Variants in SH3BP2 observed in about 807,000 individuals in gnomAD.
SH3BP2 encodes the protein SH3 domain binding protein 2, also known as SH3 domain-binding protein 2.
Under a neutral mutation model 56.2 loss-of-function variants are expected in SH3BP2, and 38 were observed. The observed-to-expected ratio is 0.68, with a 90% CI of 0.52 to 0.89. The LOEUF (loss-of-function observed/expected upper bound fraction) is 0.89. SH3BP2 is among the 40% of genes least tolerant of loss of function. SH3BP2 has a pLI of 0.00. For synonymous variants in SH3BP2, 346 were observed against 316.7 expected (o/e 1.09, Z -0.98); for missense variants, 748 against 762.6 (o/e 0.98, Z 0.23).
Position 2,833,963 on chromosome 4 carries a change from G to T in SH3BP2, c.*129G>T. On this transcript the variant is annotated 3_prime_UTR_variant, in exon 13 of 13. Coordinates refer to ENST00000503393, the MANE Select transcript of SH3BP2 (RefSeq NM_001122681.2). ...TGTGCTTGCCTAGGGCCTCTGTGAT[G>T]GACATCTCGTAGGACCCAGCCAGTC... 4 of 1,151,164 alleles carry T rather than the reference G, an allele frequency of 3.5e-6. No homozygotes were observed. The highest frequency in any genetic ancestry group is 4.8e-6 in the Non-Finnish European group (4 of 830,314). The allele number at this position is 1,151,164 out of a possible 1,614,324, so 71.3% of individuals were successfully genotyped here.
At chr4:2,796,862 G>A (rs1473848058) in intron 1 of SH3BP2, among the ~76,000 whole-genome samples, 1 of 152,226 alleles carries the variant, frequency 6.6e-6, no homozygotes, top group Non-Finnish European at 1.5e-5. Flanking sequence ...GAGGCCGCGA[G>A]GCAGGGGCCG....
intron 2 of SH3BP2, 52 bp from the exon 3 acceptor site, chr4:2,822,883 C>A: frequency 1.4e-6 from 2 of 1,439,414 alleles, no homozygotes; most frequent in Non-Finnish European, 1.9e-6. Flanking sequence ...CACAGTGGGT[C>A]TTGGCAGCTG....
intron 1 of SH3BP2, among the ~76,000 whole-genome samples, chr4:2,799,789 C>T (rs1284956121): frequency 6.6e-6 from 1 of 152,268 alleles, no homozygotes; most frequent in Middle Eastern, 3.4e-3. Flanking sequence ...GGGCGCCTCA[C>T]GGATCCCCCC....
At chr4:2,815,617 T>C (rs1405469412) in intron 1 of SH3BP2, among the ~76,000 whole-genome samples, 1 of 152,230 alleles carries the variant, frequency 6.6e-6, no homozygotes, top group African/African-American at 2.4e-5. Context: ...GTCCTCACAG[T>C]GGCTCCTCCC....
intron 1 of SH3BP2, among the ~76,000 whole-genome samples, chr4:2,795,225 G>A (rs1307296491): frequency 6.6e-6 from 1 of 152,234 alleles, no homozygotes; most frequent in African/African-American, 2.4e-5. Flanking sequence ...CTGGCCTGGA[G>A]AGGCCTGGGT....
Position 2,835,805 on chromosome 4 carries a change from T to A in SH3BP2, c.*1971T>A, listed in dbSNP as rs1725211848. 1 of 152,174 alleles carries A rather than the reference T, an allele frequency of 6.6e-6. No individual in the cohort carries two copies. Among genetic ancestry groups the A allele is most frequent in the Admixed American group, 6.5e-5 (1 of 15,268 alleles). 9.4% of individuals were successfully genotyped at this position (152,174 alleles called of 1,614,324 possible). On this transcript the variant is annotated 3_prime_UTR_variant, in exon 13 of 13. Transcript: ENST00000503393. ...ACGCCTGGCTAATTTTTTGTATTTT[T>A]AGTAGAGACGGGATTTTATCATGTT...
intron 1 of SH3BP2, among the ~76,000 whole-genome samples, chr4:2,815,497 C>G (rs1283952009): frequency 6.6e-6 from 1 of 152,226 alleles, no homozygotes; most frequent in African/African-American, 2.4e-5. Context: ...CAGGCCTGCC[C>G]CTATCTGGCC....
chr4:2,795,669 G>A (rs1723037082), intron 1 of SH3BP2, among the ~76,000 whole-genome samples: 1 of 152,196 alleles, frequency 6.6e-6, no homozygotes, highest in Admixed American at 6.5e-5. Context: ...CCGTCAGGAG[G>A]AGGGATCTGA....
rs1451667752 is a variant in SH3BP2 at position 2,835,927 on chromosome 4, C to T, written c.*2093C>T. ...AGGCATGAGCCACTGTGCCTGGCCC[C>T]TTCCTGTAAAATTTTTAAATGGAGA... On this transcript the variant is annotated 3_prime_UTR_variant, in exon 13 of 13. Coordinates refer to ENST00000503393, the MANE Select transcript of SH3BP2 (RefSeq NM_001122681.2). 1 of 152,678 alleles carries T rather than the reference C, an allele frequency of 6.5e-6. No homozygotes were observed. The highest frequency in any genetic ancestry group is 1.9e-4 in the East Asian group (1 of 5,210). The allele number at this position is 152,678 out of a possible 1,614,324, so 9.5% of individuals were successfully genotyped here.
intron 1 of SH3BP2, among the ~76,000 whole-genome samples, chr4:2,800,559 C>CCG (rs34021594): frequency 6.7e-6 from 1 of 149,936 alleles, no homozygotes; most frequent in South Asian, 2.1e-4. Flanking sequence ...GCCCCCCCCC[C>CCG]GGGCTGATGA....
At chr4:2,832,176 C>T (rs968276760) in intron 10 of SH3BP2, 155 bp from the exon 11 acceptor site, 51 of 956,290 alleles carry the variant, frequency 5.3e-5, no homozygotes, top group Admixed American at 1.8e-5. Context: ...CTCTGCTGGG[C>T]TGCTTCTGTC....
At chr4:2,813,264 TGGGCCGTGGCTGTGCTG>T (rs1396365150) in intron 1 of SH3BP2, among the ~76,000 whole-genome samples, 7 of 152,246 alleles carry the variant, frequency 4.6e-5, no homozygotes, top group Non-Finnish European at 7.3e-5. Context: ...TGCGCCAAGC[TGGGCCGTGGCTGTGCTG>T]GGCCGGGGGT....
At chr4:2,801,185 G>T (rs558119778) in intron 1 of SH3BP2, among the ~76,000 whole-genome samples, 3 of 151,500 alleles carry the variant, frequency 2.0e-5, no homozygotes, top group African/African-American at 7.3e-5. Flanking sequence ...CTCCTTTCCC[G>T]GCAGGCCGGG....
Position 2,818,115 on chromosome 4 carries a change from A to G in SH3BP2, c.-4-2499A>G, listed in dbSNP as rs1315029829. 18 of 649,946 alleles carry G rather than the reference A, an allele frequency of 2.8e-5. No homozygotes were observed. In the East Asian group the frequency reaches 2.1e-3, roughly 75 times the overall value. The allele number at this position is 649,946 out of a possible 1,614,324, so 40.3% of individuals were successfully genotyped here. ...GCTCACGTGCCTCCCGCGCACGGTGACGCGGCAGGGGGCGGGGCCGGGAGG... is the reference window on the plus strand; with the variant it reads ...GCTCACGTGCCTCCCGCGCACGGTGGCGCGGCAGGGGGCGGGGCCGGGAGG... On this transcript the variant is annotated intron_variant, in intron 1 of 12. Coordinates refer to ENST00000503393, the MANE Select transcript of SH3BP2 (RefSeq NM_001122681.2).
At chr4:2,828,768 C>T (rs537855326) in intron 7 of SH3BP2, among the ~76,000 whole-genome samples, 36 of 152,328 alleles carry the variant, frequency 2.4e-4, no homozygotes, top group African/African-American at 7.2e-4. Context: ...TCGTCCAGGA[C>T]GCCTGTGGCC....
At chr4:2,818,813 C>A in intron 1 of SH3BP2, 4 of 986,710 alleles carry the variant, frequency 4.1e-6, no homozygotes, top group Non-Finnish European at 3.6e-6. Context: ...CTGGTGGGGT[C>A]CAGCCGGGTG....
intron 1 of SH3BP2, among the ~76,000 whole-genome samples, chr4:2,807,067 G>A (rs1723563578): frequency 6.6e-6 from 1 of 152,250 alleles, no homozygotes; most frequent in Admixed American, 6.5e-5. Context: ...TGGGGCCTCT[G>A]AGCCCCGAAC....
chr4:2,816,609 A>T (rs1417127037), intron 1 of SH3BP2, among the ~76,000 whole-genome samples: 1 of 152,144 alleles, frequency 6.6e-6, no homozygotes, highest in Non-Finnish European at 1.5e-5. Context: ...AGATTGAGGA[A>T]CTTCCCTTCT....
chr4:2,820,525 G>A, intron 1 of SH3BP2, 89 bp from the exon 2 acceptor site: 1 of 1,528,544 alleles, frequency 6.5e-7, no homozygotes. Context: ...GCTGTGTCCT[G>A]GATCTTGGCA....
Sources: gnomAD v4.1 joint callset for allele counts (sites outside exome capture counted in the v4.1 genomes callset) on GRCh38, gnomAD v4.1.1 for gene constraint, MANE v1.5 for transcripts, NCBI Gene and HGNC (gene_info 2026-07-23, HGNC 2026-07-21) for gene names.